RANBP2: variants seen among roughly 807,000 people sequenced by gnomAD.
The protein encoded by RANBP2 is RAN binding protein 2.
A neutral mutation model predicts 303.6 loss-of-function variants in RANBP2; 57 were observed. That is an observed-to-expected ratio of 0.19 (90% CI 0.15 to 0.23). RANBP2 has a LOEUF of 0.23. RANBP2 is among the 10% of genes least tolerant of loss of function. The pLI is 1.00. For missense variants in RANBP2, 3,138 were observed against 3,780.8 expected, an observed-to-expected ratio of 0.83 and a Z score of 4.46; for synonymous variants, 1,167 against 1,301.5, an observed-to-expected ratio of 0.90 and a Z score of 2.23.
chr2:109,196,625 C>T, the RANBP2 span, among the ~76,000 whole-genome samples: 93 of 152,286 alleles, frequency 6.1e-4, no homozygotes, highest in Middle Eastern at 3.4e-3. Context: ...AGTGCTGCTG[C>T]GCTGTGGTTG....
chr2:109,545,266 C>T, the RANBP2 span: 3 of 1,390,282 alleles, frequency 2.2e-6, no homozygotes, highest in East Asian at 5.7e-5. Flanking sequence ...AATAGTTAAA[C>T]CGACAGGGAT....
At chr2:109,111,210 C>G in the RANBP2 span, among the ~76,000 whole-genome samples, 1 of 152,198 alleles carries the variant, frequency 6.6e-6, no homozygotes, top group Non-Finnish European at 1.5e-5. Flanking sequence ...CCTCTACCTA[C>G]CATGTACTGG....
the RANBP2 span, chr2:109,504,334 G>A: frequency 6.6e-6 from 1 of 152,216 alleles, no homozygotes; most frequent in South Asian, 2.1e-4. Context: ...AGTGGACACC[G>A]AGGGGACAGG....
In RANBP2 at chr2:108,766,127, A is replaced by T. The variant is rs369788509; in HGVS notation, c.5588A>T (p.His1863Leu). Residue 1863 changes from histidine (H) to leucine (L), a missense_variant, in exon 20 of 29, where the codon CAT becomes CTT. Physicochemically the swap from His to Leu is moderately conservative, Grantham distance 99. This residue lies in a region of RANBP2 where 348 missense variants were observed against 360.4 expected (regional missense o/e 0.97). Coordinates refer to ENST00000283195, the MANE Select transcript of RANBP2 (RefSeq NM_006267.5). ...GNTEQGFKFGHVDQENSPSFM... is the reference protein window; with the variant it reads ...GNTEQGFKFGLVDQENSPSFM... Reference sequence around the variant, plus strand: ...ACAGAGCAAGGATTCAAATTTGGGCATGTGGATCAAGAAAATTCACCTTCA... The same window carrying T: ...ACAGAGCAAGGATTCAAATTTGGGCTTGTGGATCAAGAAAATTCACCTTCA... 5 of 1,613,710 alleles carry T rather than the reference A, an allele frequency of 3.1e-6. No individual in the cohort carries two copies. The African/African-American group carries it at 5.3e-5, about 17-fold the overall frequency.
At position 108,766,644 on chromosome 2, in the gene RANBP2, G is replaced by A. The variant is rs939297264; in HGVS notation, c.6105G>A (p.Leu2035=). 2.5e-6 allele frequency: 4 copies of A among 1,611,996 alleles called. No homozygotes were observed. The highest frequency in any genetic ancestry group is 3.4e-6 in the Non-Finnish European group (4 of 1,179,846). Reference sequence around the variant, plus strand: ...CAGGAGAAGAAGATGAAAAAGTTCTGTATTCACAGCGGGTAAAACTATTTA... The same window carrying A: ...CAGGAGAAGAAGATGAAAAAGTTCTATATTCACAGCGGGTAAAACTATTTA... The part of the protein sequence containing the change: ...LVTGEEDEKV[L]YSQRVKLFRF... Residue 2035 remains leucine (L), a synonymous_variant, in exon 20 of 29, where the codon CTG becomes CTA. Coordinates refer to ENST00000283195, the MANE Select transcript of RANBP2 (RefSeq NM_006267.5).
chr2:109,078,946 G>T, the RANBP2 span, among the ~76,000 whole-genome samples: 9 of 151,838 alleles, frequency 5.9e-5, no homozygotes, highest in East Asian at 1.5e-3. Flanking sequence ...AGCCGAGATC[G>T]CACAATTGCT....
the RANBP2 span, among the ~76,000 whole-genome samples, chr2:109,201,922 C>T: frequency 6.6e-6 from 1 of 152,178 alleles, no homozygotes; most frequent in Non-Finnish European, 1.5e-5. Flanking sequence ...AATACAAGGA[C>T]CCGTGGCATC....
At chr2:109,717,275 A>C in the RANBP2 span, among the ~76,000 whole-genome samples, 2,958 of 148,044 alleles carry the variant, frequency 0.02, 55 homozygotes, top group South Asian at 0.03. Flanking sequence ...AACAAACCAA[A>C]AAAAAAAAAA....
At chr2:108,816,036 A>G in the RANBP2 span, 1 of 1,613,906 alleles carries the variant, frequency 6.2e-7, no homozygotes, top group African/African-American at 1.3e-5. Context: ...AAGAATCTGG[A>G]ATGGATGGTA....
chr2:109,654,352 A>C, the RANBP2 span, among the ~76,000 whole-genome samples: 3 of 152,062 alleles, frequency 2.0e-5, 1 homozygote, highest in South Asian at 6.2e-4. Flanking sequence ...GAAATAAAAA[A>C]TGTTGTTAGG....
chr2:108,876,579 C>A, the RANBP2 span: 1 of 166,964 alleles, frequency 6.0e-6, no homozygotes, highest in African/African-American at 2.4e-5. Flanking sequence ...TATGTGAGAA[C>A]AGGGTTAAAT....
chr2:109,592,490 A>C, the RANBP2 span, among the ~76,000 whole-genome samples: 1 of 148,372 alleles, frequency 6.7e-6, no homozygotes, highest in South Asian at 2.1e-4. Context: ...ACAACGAATG[A>C]TAAAAAGAAA....
At chr2:109,315,968 G>A in the RANBP2 span, among the ~76,000 whole-genome samples, 2 of 152,316 alleles carry the variant, frequency 1.3e-5, no homozygotes, top group East Asian at 3.9e-4. Context: ...ATTAGCAGAA[G>A]TCTTTTTGGT....
chr2:109,331,240 AC>A, the RANBP2 span, among the ~76,000 whole-genome samples: 1 of 150,982 alleles, frequency 6.6e-6, no homozygotes, highest in South Asian at 2.1e-4. Flanking sequence ...TTGTGTACAG[AC>A]CCCCACCCGC....
chr2:109,529,500 G>C, the RANBP2 span, among the ~76,000 whole-genome samples: 1 of 152,222 alleles, frequency 6.6e-6, no homozygotes, highest in African/African-American at 2.4e-5. Flanking sequence ...GGACCACAAA[G>C]GGAGGTGTTT....
At chr2:108,815,472 T>G in the RANBP2 span, among the ~76,000 whole-genome samples, 1 of 138,696 alleles carries the variant, frequency 7.2e-6, no homozygotes, top group East Asian at 2.1e-4. Context: ...TTTTTTTTTT[T>G]TTTTTTTTTT....
the RANBP2 span, among the ~76,000 whole-genome samples, chr2:109,416,791 G>A: frequency 1.3e-5 from 2 of 151,646 alleles, no homozygotes; most frequent in African/African-American, 2.4e-5. Flanking sequence ...CTGTAATCCC[G>A]GCTACTCAGG....
the RANBP2 span, among the ~76,000 whole-genome samples, chr2:109,015,118 CAAAAAAAAAAAAAAAAAAAAAA>C: frequency 0.011 from 733 of 68,800 alleles, 11 homozygotes; most frequent in African/African-American, 0.032. Context: ...GACTCCATCT[CAAAAAAAAAAAAAAAAAAAAAA>C]AAAAAAAAAA....
At chr2:109,044,296 G>A in the RANBP2 span, among the ~76,000 whole-genome samples, 132,543 of 151,998 alleles carry the variant, frequency 0.87, 59,312 homozygotes, top group Non-Finnish European at 0.97. Flanking sequence ...CGAGGCAGGC[G>A]GATCATGAGG....
Sources: allele counts gnomAD v4.1 joint callset (sites outside exome capture counted in the v4.1 genomes callset), GRCh38; gene constraint gnomAD v4.1.1; regional missense constraint gnomAD v4.1.1; transcripts MANE v1.5; gene names NCBI Gene and HGNC (gene_info 2026-07-23, HGNC 2026-07-21).